SPINK5: variants seen among roughly 807,000 people sequenced by gnomAD.
SPINK5 encodes serine protease inhibitor Kazal-type 5.
SPINK5 carries 125 observed loss-of-function variants against 151.8 expected under a neutral mutation model. The ratio of observed to expected loss-of-function variants is 0.82; its 90% CI spans 0.71 to 0.96. The LOEUF (loss-of-function observed/expected upper bound fraction) is 0.96, where lower values mean the gene tolerates loss of function less well. SPINK5 is among the 40% of genes least tolerant of loss of function. The pLI, the probability that SPINK5 is intolerant of heterozygous loss-of-function variation, is 0.00. For synonymous variants in SPINK5, 374 were observed against 395.3 expected (o/e 0.95, Z 0.64); for missense variants, 1,194 against 1,291.9 (o/e 0.92, Z 1.16).
chr5:148,132,355 C>A (rs1478234210), intron 31 of SPINK5, among the ~76,000 whole-genome samples: 1 of 152,112 alleles, frequency 6.6e-6, no homozygotes, highest in Non-Finnish European at 1.5e-5. Flanking sequence ...GAGGATAGGA[C>A]TCCCTGATAT....
At chr5:148,135,907 A>G (rs1263333786) in intron 32 of SPINK5, among the ~76,000 whole-genome samples, 1 of 152,196 alleles carries the variant, frequency 6.6e-6, no homozygotes, top group African/African-American at 2.4e-5. Context: ...TAACTATTAT[A>G]CAGTAACTAC....
At position 148,088,832 on chromosome 5, in the gene SPINK5, G is replaced by T. The variant is rs530327233; in HGVS notation, c.474+227G>T. 4.8e-4 allele frequency among the ~76,000 whole-genome samples: 38 copies of T among 79,582 alleles called. 1 individual carries two copies. The Admixed American group carries it at 4.9e-3, about 10-fold the overall frequency. 52.2% of individuals were successfully genotyped at this position (79,582 alleles called of 152,430 possible). On this transcript the variant is annotated intron_variant, in intron 6 of 32. Transcript: ENST00000256084. ...AGATCTTTCAATCTATTGCTGCTTT[G>T]TATAAAAAAAAAAAGAAGAAGAAGA...
intron 10 of SPINK5, among the ~76,000 whole-genome samples, chr5:148,096,751 TC>T (rs200911892): frequency 0.045 from 6,554 of 146,916 alleles, 579 homozygotes; most frequent in African/African-American, 0.16. Flanking sequence ...TCTTTTCTTT[TC>T]TTTTTTTTTT....
At chr5:148,091,916 A>G (rs915192688) in intron 8 of SPINK5, among the ~76,000 whole-genome samples, 3 of 151,712 alleles carry the variant, frequency 2.0e-5, no homozygotes, top group Non-Finnish European at 4.4e-5. Flanking sequence ...GATTTCTTAA[A>G]TCACCTACTT....
At chr5:148,077,203 CAA>C (rs943993103) in intron 4 of SPINK5, among the ~76,000 whole-genome samples, 25 of 134,994 alleles carry the variant, frequency 1.9e-4, no homozygotes, top group Admixed American at 9.5e-4. Context: ...AAAAAAAAAA[CAA>C]AGAGAAAATT....
At chr5:148,093,829 A>G (rs1367563554) in intron 8 of SPINK5, among the ~76,000 whole-genome samples, 3 of 151,892 alleles carry the variant, frequency 2.0e-5, no homozygotes, top group African/African-American at 7.3e-5. Context: ...TTATCTTTTA[A>G]TAAACCTACC....
At chr5:148,123,429 TA>T (rs1754332167) in intron 26 of SPINK5, among the ~76,000 whole-genome samples, 1 of 29,350 alleles carries the variant, frequency 3.4e-5, no homozygotes, top group African/African-American at 8.2e-5. Context: ...TATATAGATA[TA>T]TATTATCTAT....
At chr5:148,095,030 C>G (rs1439616669) in intron 9 of SPINK5, among the ~76,000 whole-genome samples, 7 of 151,926 alleles carry the variant, frequency 4.6e-5, no homozygotes, top group Non-Finnish European at 1.0e-4. Flanking sequence ...TCTACAAGCC[C>G]TTTCCTGTGT....
At chr5:148,097,271 A>G (rs10076759) in intron 10 of SPINK5, among the ~76,000 whole-genome samples, 15,812 of 152,022 alleles carry the variant, frequency 0.1, 2,731 homozygotes, top group African/African-American at 0.36. Flanking sequence ...CCTAAAAGTA[A>G]TATCCAAATT....
chr5:148,109,591 A>G (rs1483102181), intron 18 of SPINK5, among the ~76,000 whole-genome samples: 1 of 151,874 alleles, frequency 6.6e-6, no homozygotes, highest in East Asian at 1.9e-4. Context: ...CAAGAATTGA[A>G]CCAAAAGTTC....
intron 4 of SPINK5, among the ~76,000 whole-genome samples, chr5:148,079,066 C>G (rs1752955167): frequency 6.6e-6 from 1 of 150,784 alleles, no homozygotes; most frequent in African/African-American, 2.4e-5. Context: ...ACAAACATTA[C>G]CAAAATCAAG....
At chr5:148,114,267 T>C (rs1754022921) in intron 20 of SPINK5, 95 bp from the exon 21 acceptor site, 3 of 1,336,374 alleles carry the variant, frequency 2.2e-6, no homozygotes, top group Admixed American at 2.9e-5. Context: ...TCATTTTCTC[T>C]CTCTTTTTTT....
chr5:148,133,966 T>C, intron 32 of SPINK5, 79 bp downstream of exon 32: 1 of 1,437,292 alleles, frequency 7.0e-7, no homozygotes. Context: ...TTCCACTGAG[T>C]AATGGACATT....
chr5:148,125,613 A>G lies in SPINK5; in HGVS notation c.2740-110A>G, dbSNP rs1754410073. On this transcript the variant is annotated intron_variant, in intron 28 of 32. Coordinates refer to ENST00000256084, the MANE Select transcript of SPINK5 (RefSeq NM_006846.4). ...TGGCCTCTGTTGCCAGGATGAGTAC[A>G]GTGAGTCTGAGCCCAGAGCTAAGAG... The G allele has an allele frequency of 2.5e-6, 4 of 1,614,100 alleles. No individual in the cohort carries two copies. In the South Asian group the frequency reaches 4.4e-5, roughly 18 times the overall value.
chr5:148,089,823 G>A (rs893963146), intron 7 of SPINK5, among the ~76,000 whole-genome samples: 1 of 151,742 alleles, frequency 6.6e-6, no homozygotes, highest in Non-Finnish European at 1.5e-5. Flanking sequence ...AGAGAATAAG[G>A]TGGTCATGTT....
intron 30 of SPINK5, 128 bp downstream of exon 30, chr5:148,127,207 T>A: frequency 1.4e-6 from 1 of 739,516 alleles, no homozygotes; most frequent in Non-Finnish European, 2.3e-6. Flanking sequence ...TGAAGTCCTT[T>A]GAGGACTATA....
At chr5:148,071,046 T>C (rs1162036314) in intron 3 of SPINK5, among the ~76,000 whole-genome samples, 1 of 152,116 alleles carries the variant, frequency 6.6e-6, no homozygotes, top group Non-Finnish European at 1.5e-5. Context: ...CTCTATTCAA[T>C]GCTTCTTAAC....
intron 24 of SPINK5, 127 bp from the exon 25 acceptor site, chr5:148,119,882 A>G: frequency 1.0e-6 from 1 of 976,938 alleles, no homozygotes; most frequent in Non-Finnish European, 1.6e-6. Context: ...TCTGTGGGAC[A>G]TTATTTTGCC....
At chr5:148,134,514 G>A (rs1337954268) in intron 32 of SPINK5, among the ~76,000 whole-genome samples, 1 of 152,046 alleles carries the variant, frequency 6.6e-6, no homozygotes, top group Non-Finnish European at 1.5e-5. Flanking sequence ...GTGCTTATAC[G>A]AGACTCTTGG....
Sources: gnomAD v4.1 joint callset for allele counts (sites outside exome capture counted in the v4.1 genomes callset) on GRCh38, gnomAD v4.1.1 for gene constraint, MANE v1.5 for transcripts, NCBI Gene and HGNC (gene_info 2026-07-23, HGNC 2026-07-21) for gene names.